KCNIP4: variants seen among roughly 807,000 people sequenced by gnomAD.
KCNIP4 encodes potassium voltage-gated channel interacting protein 4.
A neutral mutation model predicts 34.0 loss-of-function variants in KCNIP4; 12 were observed. That is an observed-to-expected ratio of 0.35 (90% confidence interval 0.23 to 0.57). The LOEUF (loss-of-function observed/expected upper bound fraction) is 0.57, where lower values mean the gene tolerates loss of function less well. Ranked by LOEUF, KCNIP4 falls within the 20% of genes least tolerant of loss-of-function variation. The probability of loss-of-function intolerance (pLI) is 0.83; values close to 1 mark genes in which losing one functional copy is unlikely to be tolerated. For synonymous variants in KCNIP4, 124 were observed against 102.2 expected (o/e 1.21, Z -1.29); for missense variants, 238 against 311.7 (o/e 0.76, Z 1.78).
At chr4:21,400,512 CCTCTTCTCTTCTCTT>C (rs151019011) in intron 1 of KCNIP4, among the ~76,000 whole-genome samples, 13,524 of 103,944 alleles carry the variant, frequency 0.13, 1,241 homozygotes, top group East Asian at 0.26. Flanking sequence ...CCCCTCCCTT[CCTCTTCTCTTCTCTT>C]CTCTTCTCTT....
Position 21,909,677 on chromosome 4 carries a change from T to C in KCNIP4, c.61+38894A>G, listed in dbSNP as rs538189393. 1.1e-3 allele frequency among the ~76,000 whole-genome samples: 172 copies of C among 152,224 alleles called. 1 individual carries two copies. The highest frequency in any genetic ancestry group is 4.1e-3 in the African/African-American group (169 of 41,542). On this transcript the variant is annotated intron_variant, in intron 1 of 8. Transcript: ENST00000382152. ...CTGTATTAGTTTGTTTTCATGCTGC[T>C]GATAAAAACATACCTGATACTGGGT... is the stretch of plus-strand genomic sequence containing the variant.
At chr4:21,134,068 G>A (rs1051980378) in intron 1 of KCNIP4, among the ~76,000 whole-genome samples, 6 of 152,018 alleles carry the variant, frequency 3.9e-5, no homozygotes, top group African/African-American at 1.5e-4. Flanking sequence ...TCTAACTTGA[G>A]TTCTCAAAAT....
intron 1 of KCNIP4, among the ~76,000 whole-genome samples, chr4:21,665,439 AG>A (rs1748778369): frequency 2.0e-5 from 3 of 152,198 alleles, no homozygotes; most frequent in African/African-American, 7.2e-5. Flanking sequence ...AACTTTAAAA[AG>A]TAATTGCCAA....
chr4:21,635,278 G>T (rs1304614009), intron 1 of KCNIP4, among the ~76,000 whole-genome samples: 7 of 152,094 alleles, frequency 4.6e-5, no homozygotes, highest in Non-Finnish European at 7.4e-5. Context: ...TCGACATTCT[G>T]ATTAAAGTTC....
At chr4:21,223,904 C>T (rs1351190954) in intron 1 of KCNIP4, among the ~76,000 whole-genome samples, 1 of 151,998 alleles carries the variant, frequency 6.6e-6, no homozygotes, top group Non-Finnish European at 1.5e-5. Context: ...CTTTAGCCGC[C>T]CACTCCTTGC....
chr4:21,322,575 T>A (rs1402392536), intron 1 of KCNIP4, among the ~76,000 whole-genome samples: 1 of 151,888 alleles, frequency 6.6e-6, no homozygotes, highest in African/African-American at 2.4e-5. Flanking sequence ...CAATCTAGAG[T>A]CCCATTGTTT....
At chr4:21,489,393 C>A (rs1976299) in intron 1 of KCNIP4, among the ~76,000 whole-genome samples, 67,931 of 150,724 alleles carry the variant, frequency 0.45, 15,832 homozygotes, top group Non-Finnish European at 0.52. Flanking sequence ...TAGGGCCTTG[C>A]CATGTTGAGT....
At chr4:21,341,056 T>C (rs36085501) in intron 1 of KCNIP4, among the ~76,000 whole-genome samples, 7,501 of 152,190 alleles carry the variant, frequency 0.049, 351 homozygotes, top group East Asian at 0.19. Context: ...CATAAGACCA[T>C]GTGAAAACAC....
chr4:20,832,610 A>T (rs540726495), intron 3 of KCNIP4, among the ~76,000 whole-genome samples: 1 of 151,686 alleles, frequency 6.6e-6, no homozygotes, highest in South Asian at 2.1e-4. Context: ...GGAATATATT[A>T]AAAATGAAAA....
chr4:21,324,387 G>T (rs929357870), intron 1 of KCNIP4, among the ~76,000 whole-genome samples: 1 of 151,940 alleles, frequency 6.6e-6, no homozygotes, highest in Admixed American at 6.6e-5. Flanking sequence ...TGAAGTCTCA[G>T]ATTTAAGTAT....
intron 1 of KCNIP4, among the ~76,000 whole-genome samples, chr4:21,639,100 A>G (rs1214374721): frequency 6.6e-6 from 1 of 152,214 alleles, no homozygotes; most frequent in Admixed American, 6.6e-5. Context: ...TTCTTGACAG[A>G]ACTATTGCCC....
intron 1 of KCNIP4, among the ~76,000 whole-genome samples, chr4:21,153,315 T>A (rs1752891434): frequency 1.3e-5 from 2 of 152,122 alleles, no homozygotes; most frequent in South Asian, 4.1e-4. Flanking sequence ...TATTTTCATA[T>A]TTTGTATAGA....
chr4:20,762,453 T>A (rs772367912), intron 3 of KCNIP4, among the ~76,000 whole-genome samples: 1 of 152,178 alleles, frequency 6.6e-6, no homozygotes, highest in Non-Finnish European at 1.5e-5. Flanking sequence ...TTCCCAGAGA[T>A]TTTTTATTGA....
rs199600511 is a variant in KCNIP4 at position 21,375,653 on chromosome 4, G to A, written c.62-492944C>T. On this transcript the variant is annotated intron_variant, in intron 1 of 8. Transcript: ENST00000382152. ...GCGATCTCTGCTCACTGCAAGCTCC[G>A]CCTCCCAGGTTCACCCTGTTGTCTT... 3.8e-4 allele frequency among the ~76,000 whole-genome samples: 58 copies of A among 150,934 alleles called. No individual in the cohort carries two copies. The East Asian group carries it at 7.7e-3, about 20-fold the overall frequency.
intron 1 of KCNIP4, among the ~76,000 whole-genome samples, chr4:21,025,563 T>TTC: frequency 8.0e-6 from 1 of 124,496 alleles, no homozygotes; most frequent in Non-Finnish European, 1.7e-5. Flanking sequence ...TTTTTTTTTT[T>TTC]TTTTTTTTGA....
chr4:21,867,135 A>G (rs2063658), intron 1 of KCNIP4, among the ~76,000 whole-genome samples: 1 of 151,984 alleles, frequency 6.6e-6, no homozygotes, highest in Non-Finnish European at 1.5e-5. Context: ...AAATTTAAGT[A>G]TGTGTCTTTC....
chr4:21,664,357 CA>C (rs1286494718), intron 1 of KCNIP4, among the ~76,000 whole-genome samples: 1 of 149,986 alleles, frequency 6.7e-6, no homozygotes, highest in African/African-American at 2.5e-5. Flanking sequence ...ACCTGTCAAA[CA>C]AAAAACAGAG....
chr4:21,504,475 A>AAAAAGAAAGAAAG lies in KCNIP4; in HGVS notation c.61+444095_61+444096insCTTTCTTTCTTTT, dbSNP rs1264431211. The stretch of plus-strand genomic sequence containing the variant: ...AGAATGACTCCAACTCAAAAAAAAA[A>AAAAAGAAAGAAAG]AAAGAAAGAAAGAAAGAAAGAAAGA... On this transcript the variant is annotated intron_variant, in intron 1 of 8. Transcript: ENST00000382152. Among the ~76,000 whole-genome samples the AAAAAGAAAGAAAG allele has an allele frequency of 4.9e-3, 499 of 101,810 alleles. 3 individuals carry two copies. The highest frequency in any genetic ancestry group is 6.2e-3 in the Non-Finnish European group (316 of 50,922). The allele number at this position is 101,810 out of a possible 152,430, so 66.8% of individuals were successfully genotyped here.
chr4:20,805,728 T>C (rs184979239), intron 3 of KCNIP4, among the ~76,000 whole-genome samples: 1,833 of 152,298 alleles, frequency 0.012, 21 homozygotes, highest in South Asian at 0.02. Context: ...TAAATCTGTC[T>C]TTAATGGTTC....
Sources: allele counts gnomAD v4.1 joint callset (sites outside exome capture counted in the v4.1 genomes callset), GRCh38; gene constraint gnomAD v4.1.1; transcripts MANE v1.5; gene names NCBI Gene and HGNC (gene_info 2026-07-23, HGNC 2026-07-21).